PRKN: variants seen among roughly 807,000 people sequenced by gnomAD.
PRKN encodes parkin RBR E3 ubiquitin protein ligase, also known as E3 ubiquitin-protein ligase parkin.
PRKN carries 56 observed loss-of-function variants against 59.5 expected under a neutral mutation model. The observed-to-expected ratio is 0.94, with a 90% CI of 0.76 to 1.18. PRKN has a LOEUF of 1.18. Among genes scored for constraint, PRKN ranks in the 50% most tolerant of loss-of-function variants. PRKN has a pLI of 0.00. For synonymous variants in PRKN, 250 were observed against 222.1 expected (o/e 1.13, Z -1.12); for missense variants, 657 against 596.4 (o/e 1.10, Z -1.06).
chr6:162,706,176 T>C (rs980002874), intron 1 of PRKN, among the ~76,000 whole-genome samples: 24 of 149,776 alleles, frequency 1.6e-4, no homozygotes, highest in African/African-American at 5.9e-4. Context: ...GCTGCCATTG[T>C]GAGAAAGAAG....
chr6:161,971,504 C>T (rs890042162), intron 6 of PRKN, among the ~76,000 whole-genome samples: 2 of 152,172 alleles, frequency 1.3e-5, no homozygotes, highest in Non-Finnish European at 1.5e-5. Context: ...ATCCCTTTCC[C>T]GAAACACCAG....
intron 7 of PRKN, among the ~76,000 whole-genome samples, chr6:161,615,015 T>C (rs535672684): frequency 1.3e-3 from 193 of 152,240 alleles, no homozygotes; most frequent in African/African-American, 4.4e-3. Context: ...TGAAACTGTA[T>C]ATTTCTATGA....
chr6:161,678,701 G>T (rs1002557752), intron 7 of PRKN, among the ~76,000 whole-genome samples: 1 of 151,430 alleles, frequency 6.6e-6, no homozygotes, highest in African/African-American at 2.4e-5. Context: ...AGTAGCTGGG[G>T]TTACAGGTGT....
chr6:162,015,733 G>T (rs1435939837), intron 5 of PRKN, among the ~76,000 whole-genome samples: 2 of 152,164 alleles, frequency 1.3e-5, no homozygotes, highest in Admixed American at 6.5e-5. Context: ...ATACAGGAAA[G>T]TCCTTCAGTG....
intron 2 of PRKN, among the ~76,000 whole-genome samples, chr6:162,307,238 A>C (rs1782273702): frequency 6.6e-6 from 1 of 151,954 alleles, no homozygotes; most frequent in Non-Finnish European, 1.5e-5. Flanking sequence ...CATCTCCACT[A>C]AAAATACAAA....
chr6:162,562,338 A>T (rs1170007557), intron 1 of PRKN, among the ~76,000 whole-genome samples: 2 of 152,120 alleles, frequency 1.3e-5, no homozygotes, highest in Non-Finnish European at 2.9e-5. Context: ...GCTCTGGGAC[A>T]TGCTGGCTTC....
intron 4 of PRKN, among the ~76,000 whole-genome samples, chr6:162,154,492 G>A (rs1019037304): frequency 5.3e-5 from 8 of 150,506 alleles, no homozygotes; most frequent in African/African-American, 2.0e-4. Flanking sequence ...ATACTGAATG[G>A]CCTACACTCT....
At chr6:162,613,437 A>C (rs1782273129) in intron 1 of PRKN, among the ~76,000 whole-genome samples, 1 of 152,338 alleles carries the variant, frequency 6.6e-6, no homozygotes, top group African/African-American at 2.4e-5. Flanking sequence ...TAGATTTGTA[A>C]TAATTCTAGA....
At chr6:161,590,836 T>C (rs1781694611) in intron 7 of PRKN, among the ~76,000 whole-genome samples, 1 of 152,014 alleles carries the variant, frequency 6.6e-6, no homozygotes, top group Non-Finnish European at 1.5e-5. Flanking sequence ...CCTGCGCTCA[T>C]AAAAAATTCC....
At chr6:161,743,213 CTTTTTTTTT>C (rs768890758) in intron 7 of PRKN, among the ~76,000 whole-genome samples, 9 of 84,552 alleles carry the variant, frequency 1.1e-4, no homozygotes, top group South Asian at 5.3e-4. Flanking sequence ...TGGTTTCTAC[CTTTTTTTTT>C]TTTTTTTTTT....
intron 2 of PRKN, among the ~76,000 whole-genome samples, chr6:162,355,462 A>G (rs1310556880): frequency 6.6e-6 from 1 of 151,750 alleles, no homozygotes; most frequent in Non-Finnish European, 1.5e-5. Context: ...ATACACACAC[A>G]CATATATGAT....
intron 5 of PRKN, among the ~76,000 whole-genome samples, chr6:162,023,990 T>G (rs1783316192): frequency 6.6e-6 from 1 of 152,260 alleles, no homozygotes; most frequent in African/African-American, 2.4e-5. Flanking sequence ...CTTTTTTGGT[T>G]CCATATCAAT....
At chr6:161,742,034 A>G (rs750763831) in intron 7 of PRKN, among the ~76,000 whole-genome samples, 8 of 151,976 alleles carry the variant, frequency 5.3e-5, no homozygotes, top group Non-Finnish European at 8.8e-5. Flanking sequence ...CAGTGGCACG[A>G]TCTTGGCACG....
intron 6 of PRKN, among the ~76,000 whole-genome samples, chr6:161,858,907 G>C (rs1291569047): frequency 1.6e-5 from 2 of 126,272 alleles, no homozygotes; most frequent in Admixed American, 2.0e-4. Context: ...TGTTGCCTAG[G>C]CTGGAGCACA....
chr6:162,230,178 A>C (rs552109200), intron 3 of PRKN, among the ~76,000 whole-genome samples: 3 of 152,380 alleles, frequency 2.0e-5, no homozygotes, highest in Admixed American at 6.5e-5. Flanking sequence ...ACATATGTAT[A>C]TATGCATGAG....
chr6:162,625,712 GTA>G (rs138488212), intron 1 of PRKN, among the ~76,000 whole-genome samples: 5 of 151,234 alleles, frequency 3.3e-5, no homozygotes, highest in African/African-American at 9.7e-5. Context: ...GTGTGTGTGT[GTA>G]TATATATATA....
chr6:161,802,473 G>GC (rs1322708157), intron 6 of PRKN, among the ~76,000 whole-genome samples: 2 of 136,928 alleles, frequency 1.5e-5, no homozygotes, highest in African/African-American at 5.6e-5. Flanking sequence ...ACCCACACAC[G>GC]CCCCCCACAC....
intron 7 of PRKN, among the ~76,000 whole-genome samples, chr6:161,737,628 T>A (rs1406411376): frequency 6.6e-6 from 1 of 152,316 alleles, no homozygotes; most frequent in East Asian, 1.9e-4. Context: ...ATTATTCCCA[T>A]TTGAAAACTG....
chr6:161,851,946 G>C (rs1256008989), intron 6 of PRKN, among the ~76,000 whole-genome samples: 4 of 151,182 alleles, frequency 2.6e-5, no homozygotes, highest in Admixed American at 1.3e-4. Flanking sequence ...AATTAGCCGG[G>C]CGTGGTAGCA....
Sources: gnomAD v4.1 joint callset for allele counts (sites outside exome capture counted in the v4.1 genomes callset) on GRCh38, gnomAD v4.1.1 for gene constraint, MANE v1.5 for transcripts, NCBI Gene and HGNC (gene_info 2026-07-23, HGNC 2026-07-21) for gene names.